Variants in ADIPOR2 observed in about 807,000 individuals in gnomAD.
The protein encoded by ADIPOR2 is adiponectin receptor protein 2.
In ADIPOR2, 18 loss-of-function variants were observed where a neutral mutation model predicts 40.9. The ratio of observed to expected loss-of-function variants is 0.44; its 90% CI spans 0.30 to 0.65. ADIPOR2 has a LOEUF of 0.65. ADIPOR2 is among the 30% of genes least tolerant of loss of function. The probability of loss-of-function intolerance (pLI) is 0.09; values close to 1 mark genes in which losing one functional copy is unlikely to be tolerated. For synonymous variants in ADIPOR2, 165 were observed against 166.4 expected, an observed-to-expected ratio of 0.99 and a Z score of 0.06; for missense variants, 283 against 479.2, an observed-to-expected ratio of 0.59 and a Z score of 3.82.
intron 1 of ADIPOR2, among the ~76,000 whole-genome samples, chr12:1,736,907 A>T (rs898562500): frequency 3.3e-5 from 5 of 152,142 alleles, no homozygotes; most frequent in Non-Finnish European, 7.3e-5. Context: ...TTCAGTTTCC[A>T]TATAGTTTGT....
chr12:1,718,081 T>C (rs1410541069), intron 1 of ADIPOR2, among the ~76,000 whole-genome samples: 1 of 152,192 alleles, frequency 6.6e-6, no homozygotes, highest in Non-Finnish European at 1.5e-5. Flanking sequence ...TATACCTGCT[T>C]TTCAGATTTG....
chr12:1,738,209 C>CAAA (rs56395738), intron 1 of ADIPOR2, among the ~76,000 whole-genome samples: 15 of 85,580 alleles, frequency 1.8e-4, no homozygotes, highest in African/African-American at 3.8e-4. Context: ...CCTGTCTCTA[C>CAAA]AAAAAAAAAA....
chr12:1,711,214 T>C (rs1387244720), intron 1 of ADIPOR2, among the ~76,000 whole-genome samples: 2 of 152,124 alleles, frequency 1.3e-5, no homozygotes, highest in Non-Finnish European at 1.5e-5. Context: ...AGAGGAAGGA[T>C]AGATTTTGTT....
At position 1,780,852 on chromosome 12, in the gene ADIPOR2, A is replaced by G. The variant is rs778184381; in HGVS notation, c.651-37A>G. 2.6e-6 allele frequency: 4 copies of G among 1,523,378 alleles called. No individual in the cohort carries two copies. In the South Asian group the frequency reaches 5.3e-5, roughly 20 times the overall value. The allele number at this position is 1,523,378 out of a possible 1,614,324, so 94.4% of individuals were successfully genotyped here. On this transcript the variant is annotated intron_variant, in intron 5 of 7. Transcript: ENST00000357103. ...ACCTGTAGTGGCCAGTAGTTTTTAAATTACTGCATTAAATGGATTTTTTTT... is the reference window on the plus strand; with the variant it reads ...ACCTGTAGTGGCCAGTAGTTTTTAAGTTACTGCATTAAATGGATTTTTTTT...
intron 1 of ADIPOR2, among the ~76,000 whole-genome samples, chr12:1,724,759 C>T (rs1016956262): frequency 9.9e-5 from 15 of 151,972 alleles, no homozygotes; most frequent in South Asian, 2.1e-4. Flanking sequence ...GGCACGATCA[C>T]GGCTCACTGT....
At chr12:1,784,491 T>C (rs1472779995) in intron 7 of ADIPOR2, among the ~76,000 whole-genome samples, 1 of 152,242 alleles carries the variant, frequency 6.6e-6, no homozygotes, top group Non-Finnish European at 1.5e-5. Flanking sequence ...TGGCAAGTCA[T>C]TTTGCCATTC....
chr12:1,694,671 C>G (rs1283537810), intron 1 of ADIPOR2, among the ~76,000 whole-genome samples: 5 of 152,174 alleles, frequency 3.3e-5, no homozygotes, highest in Admixed American at 6.5e-5. Context: ...AAAATTCCTT[C>G]TCATGCGCTA....
intron 1 of ADIPOR2, among the ~76,000 whole-genome samples, chr12:1,737,937 C>T (rs534557868): frequency 4.6e-5 from 7 of 152,216 alleles, no homozygotes; most frequent in Admixed American, 3.3e-4. Flanking sequence ...TTACAGTTGC[C>T]ATGTATGAAG....
At chr12:1,749,040 G>A (rs1267666205) in intron 1 of ADIPOR2, among the ~76,000 whole-genome samples, 1 of 152,168 alleles carries the variant, frequency 6.6e-6, no homozygotes, top group Non-Finnish European at 1.5e-5. Flanking sequence ...CCCTCTTTGG[G>A]TTCATTAATT....
chr12:1,701,940 G>A (rs1048741633), intron 1 of ADIPOR2, among the ~76,000 whole-genome samples: 3 of 152,110 alleles, frequency 2.0e-5, no homozygotes, highest in African/African-American at 7.2e-5. Context: ...TGACCAACAT[G>A]GTGAAACTCC....
At chr12:1,693,245 G>T (rs1277843164) in intron 1 of ADIPOR2, among the ~76,000 whole-genome samples, 2 of 151,846 alleles carry the variant, frequency 1.3e-5, no homozygotes, top group Non-Finnish European at 2.9e-5. Context: ...GGGTACAGCA[G>T]CAGAGTTGAG....
intron 1 of ADIPOR2, among the ~76,000 whole-genome samples, chr12:1,726,491 C>T (rs2094708276): frequency 6.6e-6 from 1 of 152,158 alleles, no homozygotes; most frequent in Non-Finnish European, 1.5e-5. Context: ...AACCACCACC[C>T]CTGGCTGAGT....
At chr12:1,757,779 A>G (rs1461149735) in intron 2 of ADIPOR2, 10 of 991,864 alleles carry the variant, frequency 1.0e-5, no homozygotes, top group Middle Eastern at 2.2e-4. Context: ...GGTAGGTTAT[A>G]TGAGTTCGGA....
At chr12:1,748,311 C>G (rs540785230) in intron 1 of ADIPOR2, among the ~76,000 whole-genome samples, 2 of 152,024 alleles carry the variant, frequency 1.3e-5, no homozygotes, top group African/African-American at 4.8e-5. Flanking sequence ...TGCAGTGGCG[C>G]GATCTCGGCT....
chr12:1,692,729 C>CTTT lies in ADIPOR2; in HGVS notation c.-87+1547_-87+1549dup, dbSNP rs375848450. On this transcript the variant is annotated intron_variant, in intron 1 of 7. Coordinates refer to ENST00000357103, the MANE Select transcript of ADIPOR2 (RefSeq NM_024551.3). ...CAATAGTATCAATTTAGCTGGTGCA[C>CTTT]TTTTTTTTTTTAGTATAAATCACAT... Among the ~76,000 whole-genome samples, 1,380 of 146,688 alleles carry CTTT rather than the reference C, an allele frequency of 9.4e-3. 31 individuals are homozygous for CTTT. The highest frequency in any genetic ancestry group is 0.033 in the African/African-American group (1,323 of 39,842).
intron 1 of ADIPOR2, among the ~76,000 whole-genome samples, chr12:1,727,103 G>A (rs1295739375): frequency 6.6e-6 from 1 of 152,114 alleles, no homozygotes; most frequent in Non-Finnish European, 1.5e-5. Flanking sequence ...CTTCTCTTTA[G>A]TTGGCAAACT....
At chr12:1,713,618 C>T (rs1003966539) in intron 1 of ADIPOR2, among the ~76,000 whole-genome samples, 2 of 152,018 alleles carry the variant, frequency 1.3e-5, no homozygotes, top group African/African-American at 4.8e-5. Flanking sequence ...GTAACTTGTT[C>T]CCCATATTCA....
intron 1 of ADIPOR2, among the ~76,000 whole-genome samples, chr12:1,713,130 T>G (rs1305841477): frequency 6.6e-6 from 1 of 152,010 alleles, no homozygotes; most frequent in Non-Finnish European, 1.5e-5. Flanking sequence ...TCCACGTAAG[T>G]TGGGACGTGT....
intron 1 of ADIPOR2, among the ~76,000 whole-genome samples, chr12:1,715,027 T>G (rs1309563576): frequency 6.6e-6 from 1 of 151,966 alleles, no homozygotes; most frequent in Non-Finnish European, 1.5e-5. Context: ...ACCGATAGCC[T>G]GGGAGTTTTT....
Sources: allele counts gnomAD v4.1 joint callset (sites outside exome capture counted in the v4.1 genomes callset), GRCh38; gene constraint gnomAD v4.1.1; transcripts MANE v1.5; gene names NCBI Gene and HGNC (gene_info 2026-07-23, HGNC 2026-07-21).